Variants in UFL1 observed in about 807,000 individuals in gnomAD.
The protein encoded by UFL1 is UFM1 specific ligase 1, also known as E3 UFM1-protein ligase 1.
Under a neutral mutation model 99.3 loss-of-function variants are expected in UFL1, and 78 were observed. The observed-to-expected ratio is 0.79, with a 90% confidence interval of 0.65 to 0.95. The LOEUF is 0.95. Among genes scored for constraint, UFL1 ranks in the 40% least tolerant of loss-of-function variants. The pLI is 0.00. For missense variants in UFL1, 936 were observed against 937.0 expected (o/e 1.00, Z 0.01); for synonymous variants, 335 against 322.2 (o/e 1.04, Z -0.42).
chr6:96,537,412 G>T lies in UFL1; in HGVS notation c.841G>T (p.Val281Leu). The T allele has an allele frequency of 1.3e-6, 2 of 1,596,934 alleles. No homozygotes were observed. Among genetic ancestry groups the T allele is most frequent in the Non-Finnish European group, 1.7e-6 (2 of 1,173,610 alleles). The change falls in exon 9 of 19, where the codon GTA (valine) becomes TTA (leucine). Residue 281 changes from valine (V) to leucine (L), a missense_variant. Val to Leu is a conservative substitution (Grantham distance 32). Transcript: ENST00000369278. The part of the protein sequence containing the change: ...ALSRLGIPDA[V>L]SYIKKRYKTT... ...GTCCAGACTTGGAATCCCAGATGCT[G>T]TAAGCTACATAAAGAAAAGATATAA...
chr6:96,540,663 A>G lies in UFL1; in HGVS notation c.1279+8A>G. ...GAAGAAGGAAAGCAACAGGTAATAA[A>G]TTGTTAACAAGGAATATTCAAAGTT... On this transcript the variant is annotated splice_region_variant and intron_variant, in intron 11 of 18. Coordinates refer to ENST00000369278, the MANE Select transcript of UFL1 (RefSeq NM_015323.5). The G allele has an allele frequency of 6.3e-7, 1 of 1,592,196 alleles. No homozygotes were observed.
intron 11 of UFL1, among the ~76,000 whole-genome samples, chr6:96,541,125 G>A (rs1214362576): frequency 1.3e-5 from 2 of 151,258 alleles, no homozygotes; most frequent in African/African-American, 4.8e-5. Context: ...CTAACCCTTC[G>A]GAATAGTAGC....
intron 1 of UFL1, among the ~76,000 whole-genome samples, chr6:96,522,236 T>C (rs1769625690): frequency 6.6e-6 from 1 of 152,026 alleles, no homozygotes; most frequent in African/African-American, 2.4e-5. Context: ...GCTGCCTTTA[T>C]TGAGCATTTC....
chr6:96,535,809 A>G (rs1044516485), intron 7 of UFL1, among the ~76,000 whole-genome samples: 2 of 152,028 alleles, frequency 1.3e-5, no homozygotes, highest in Non-Finnish European at 2.9e-5. Flanking sequence ...TGATTCTATT[A>G]TAGTCTAGGT....
intron 10 of UFL1, among the ~76,000 whole-genome samples, 159 bp downstream of exon 10, chr6:96,538,969 A>AT (rs1276445343): frequency 2.0e-5 from 3 of 151,414 alleles, no homozygotes; most frequent in African/African-American, 4.8e-5. Flanking sequence ...TCCCAGATTT[A>AT]TTTTTTCTCT....
intron 2 of UFL1, 139 bp from the exon 3 acceptor site, chr6:96,524,243 G>T: frequency 2.9e-6 from 2 of 680,824 alleles, no homozygotes; most frequent in Admixed American, 3.0e-5. Flanking sequence ...AGCTAATGGT[G>T]TGTATTTGAA....
chr6:96,523,130 T>G lies in UFL1; in HGVS notation c.78-16T>G, dbSNP rs1174632791. On this transcript the variant is annotated splice_polypyrimidine_tract_variant and intron_variant, in intron 1 of 18. Transcript: ENST00000369278. ...CTCAAGTGGACTTTTGAAACAACTT[T>G]TTTTCTTTCCCTCAGGTTGTCCGAG... 2 of 1,583,808 alleles carry G rather than the reference T, an allele frequency of 1.3e-6. No homozygotes were observed. The highest frequency in any genetic ancestry group is 2.7e-5 in the African/African-American group (2 of 73,508).
intron 11 of UFL1, among the ~76,000 whole-genome samples, chr6:96,541,992 C>T (rs1221441275): frequency 6.6e-6 from 1 of 150,830 alleles, no homozygotes; most frequent in Non-Finnish European, 1.5e-5. Flanking sequence ...TAAGGCAAAT[C>T]TATTTAGAAT....
chr6:96,538,841 T>G (rs1562254196), intron 10 of UFL1, 31 bp downstream of exon 10: 1 of 1,536,682 alleles, frequency 6.5e-7, no homozygotes, highest in East Asian at 2.3e-5. Flanking sequence ...TCTGCTAATC[T>G]TAATAATATT....
At chr6:96,538,871 ATGTCTTTTG>A in intron 10 of UFL1, 61 bp downstream of exon 10, 3 of 1,411,838 alleles carry the variant, frequency 2.1e-6, no homozygotes, top group Admixed American at 2.2e-5. Flanking sequence ...GAATCATCTG[ATGTCTTTTG>A]AAAAAGGGGA....
chr6:96,551,784 C>G, intron 16 of UFL1, 54 bp from the exon 17 acceptor site: 1 of 1,171,542 alleles, frequency 8.5e-7, no homozygotes, highest in Non-Finnish European at 1.2e-6. Context: ...AATGGCTATA[C>G]TTCCTTATGC....
chr6:96,535,348 C>T (rs1769837835), intron 7 of UFL1, among the ~76,000 whole-genome samples: 1 of 151,706 alleles, frequency 6.6e-6, no homozygotes, highest in Admixed American at 6.6e-5. Context: ...CTGCTTTTTC[C>T]TTTTTAGAGG....
chr6:96,541,144 C>G (rs1238659750), intron 11 of UFL1, among the ~76,000 whole-genome samples: 8 of 151,388 alleles, frequency 5.3e-5, no homozygotes, highest in Non-Finnish European at 8.9e-5. Context: ...GCCACAGTCA[C>G]TCTCTGCCAC....
intron 12 of UFL1, among the ~76,000 whole-genome samples, chr6:96,543,332 A>G (rs1439161501): frequency 1.3e-5 from 2 of 151,250 alleles, no homozygotes; most frequent in Non-Finnish European, 3.0e-5. Flanking sequence ...CACTTATTGT[A>G]TAGTTTGTCA....
intron 1 of UFL1, among the ~76,000 whole-genome samples, chr6:96,522,266 C>T (rs966598726): frequency 3.9e-5 from 6 of 152,146 alleles, no homozygotes; most frequent in African/African-American, 1.4e-4. Context: ...CCCTCACCCA[C>T]CAACCACCAA....
At chr6:96,523,346 A>C in intron 2 of UFL1, 55 bp downstream of exon 2, 1 of 1,491,258 alleles carries the variant, frequency 6.7e-7, no homozygotes, top group Non-Finnish European at 9.0e-7. Flanking sequence ...GGGGCAAAAC[A>C]AACAAACAAA....
Position 96,534,245 on chromosome 6 carries a change from T to TC in UFL1, c.597-18_597-17insC. The stretch of plus-strand genomic sequence containing the variant: ...TATAATGAGTAAGAAGTTTTTTTTT[T>TC]TTTAACTTTCCATAAAGGCCTACAG... On this transcript the variant is annotated splice_polypyrimidine_tract_variant and intron_variant, in intron 6 of 18. Coordinates refer to ENST00000369278, the MANE Select transcript of UFL1 (RefSeq NM_015323.5). The TC allele has an allele frequency of 6.6e-7, 1 of 1,510,766 alleles. No homozygotes were observed. Among genetic ancestry groups the TC allele is most frequent in the Non-Finnish European group, 8.8e-7 (1 of 1,135,570 alleles). 93.6% of individuals were successfully genotyped at this position (1,510,766 alleles called of 1,614,324 possible).
intron 12 of UFL1, among the ~76,000 whole-genome samples, chr6:96,547,602 A>C (rs1175926736): frequency 6.6e-6 from 1 of 151,640 alleles, no homozygotes; most frequent in Admixed American, 6.6e-5. Context: ...GATTAAGAAA[A>C]TGTGGTGTAT....
intron 15 of UFL1, 53 bp downstream of exon 15, chr6:96,549,852 C>G: frequency 6.4e-7 from 1 of 1,573,984 alleles, no homozygotes; most frequent in Non-Finnish European, 8.6e-7. Context: ...TGCATCTATA[C>G]ACATTTTATT....
Sources: gnomAD v4.1 joint callset for allele counts (sites outside exome capture counted in the v4.1 genomes callset) on GRCh38, gnomAD v4.1.1 for gene constraint, MANE v1.5 for transcripts, NCBI Gene and HGNC (gene_info 2026-07-23, HGNC 2026-07-21) for gene names.